DNAH6: variants seen among roughly 807,000 people sequenced by gnomAD.
DNAH6 encodes the protein axonemal beta dynein heavy chain 6.
DNAH6 carries 340 observed loss-of-function variants against 491.4 expected under a neutral mutation model. The observed-to-expected ratio is 0.69, with a 90% confidence interval of 0.63 to 0.76. The LOEUF is 0.76. Among genes scored for constraint, DNAH6 ranks in the 30% least tolerant of loss-of-function variants. DNAH6 has a pLI of 0.00. For synonymous variants in DNAH6, 1,603 were observed against 1,686.1 expected (o/e 0.95, Z 1.21); for missense variants, 4,443 against 4,972.2 (o/e 0.89, Z 3.20).
At chr2:84,654,510 C>G in intron 34 of DNAH6, 150 bp from the exon 35 acceptor site, 1 of 1,003,828 alleles carries the variant, frequency 1.0e-6, no homozygotes, top group East Asian at 2.8e-5. Context: ...TTTCTAATTA[C>G]TTATTGCTCT....
chr2:84,475,626 T>C, the DNAH6 span, among the ~76,000 whole-genome samples: 1 of 152,154 alleles, frequency 6.6e-6, no homozygotes, highest in Non-Finnish European at 1.5e-5. Context: ...GTAAGTTACC[T>C]CCAATGCCAT....
intron 70 of DNAH6, among the ~76,000 whole-genome samples, chr2:84,801,103 G>C (rs890942554): frequency 6.0e-5 from 7 of 116,154 alleles, no homozygotes; most frequent in Non-Finnish European, 1.2e-4. Flanking sequence ...TGGTGGGGTG[G>C]GGGGAGGGGG....
At chr2:84,770,168 C>T (rs1370998602) in intron 64 of DNAH6, among the ~76,000 whole-genome samples, 1 of 152,156 alleles carries the variant, frequency 6.6e-6, no homozygotes, top group Non-Finnish European at 1.5e-5. Context: ...ACAAAAAATA[C>T]TGACCTTACA....
chr2:84,708,875 T>C (rs1043817688), intron 54 of DNAH6, among the ~76,000 whole-genome samples: 5 of 152,180 alleles, frequency 3.3e-5, no homozygotes, highest in Admixed American at 1.3e-4. Flanking sequence ...GGGCCAATTG[T>C]GCTTTTTGGG....
At chr2:84,700,172 C>T (rs1348418716) in intron 48 of DNAH6, among the ~76,000 whole-genome samples, 2 of 152,080 alleles carry the variant, frequency 1.3e-5, no homozygotes, top group African/African-American at 4.8e-5. Context: ...TGTAAATGAT[C>T]CAGAAAAGAT....
intron 70 of DNAH6, among the ~76,000 whole-genome samples, chr2:84,803,629 G>A (rs986390511): frequency 2.6e-5 from 4 of 151,450 alleles, no homozygotes; most frequent in African/African-American, 9.7e-5. Flanking sequence ...AATATAGATG[G>A]TCAATGAACA....
chr2:84,604,250 C>A, intron 18 of DNAH6, 89 bp from the exon 19 acceptor site: 1 of 996,536 alleles, frequency 1.0e-6, no homozygotes, highest in Admixed American at 2.2e-5. Flanking sequence ...TCTTTTCCAG[C>A]TCTCTACATG....
At chr2:84,816,228 C>G (rs980636661) in intron 76 of DNAH6, 145 bp downstream of exon 76, 3 of 583,994 alleles carry the variant, frequency 5.1e-6, no homozygotes, top group African/African-American at 1.9e-5. Flanking sequence ...ATACAAAATT[C>G]GTAAATGTAA....
chr2:84,608,895 A>G (rs1262605392), intron 21 of DNAH6, among the ~76,000 whole-genome samples: 1 of 152,160 alleles, frequency 6.6e-6, no homozygotes, highest in African/African-American at 2.4e-5. Context: ...TTCATTGAAA[A>G]TCTGTTGTTG....
At chr2:84,708,518 A>T (rs1192240734) in intron 54 of DNAH6, among the ~76,000 whole-genome samples, 1 of 146,484 alleles carries the variant, frequency 6.8e-6, no homozygotes, top group Non-Finnish European at 1.5e-5. Context: ...GGAAAGAAAG[A>T]AAGAGAAAGA....
At chr2:84,802,959 T>A (rs1573858053) in intron 70 of DNAH6, among the ~76,000 whole-genome samples, 2 of 152,306 alleles carry the variant, frequency 1.3e-5, no homozygotes, top group Admixed American at 1.3e-4. Flanking sequence ...CCTGAATGAC[T>A]TTTGGGTAAA....
chr2:84,580,878 C>T (rs4616493), intron 14 of DNAH6, among the ~76,000 whole-genome samples: 138,430 of 152,128 alleles, frequency 0.91, 63,058 homozygotes, highest in East Asian at 0.99. Context: ...TGACCAGAAC[C>T]CAGAATGGGA....
chr2:84,812,339 A>G lies in DNAH6; in HGVS notation c.11740-2A>G. 1 of 1,550,478 alleles carries G rather than the reference A, an allele frequency of 6.4e-7. No individual in the cohort carries two copies. Among genetic ancestry groups the G allele is most frequent in the South Asian group, 1.2e-5 (1 of 83,830 alleles). On this transcript the variant is annotated splice_acceptor_variant, in intron 72 of 76. Transcript: ENST00000389394. LOFTEE classifies it high-confidence loss of function. ...CCACCAACCCCTTTTTTGTTCTTTC[A>G]GACTTCTCTGGAAACACTCAACAAA... is the stretch of plus-strand genomic sequence containing the variant.
intron 70 of DNAH6, 66 bp from the exon 71 acceptor site, chr2:84,805,599 G>T (rs1262018891): frequency 1.4e-6 from 2 of 1,384,356 alleles, no homozygotes; most frequent in African/African-American, 2.9e-5. Context: ...AAATAATTAT[G>T]TGTGCTGCAA....
At chr2:84,568,896 T>C (rs1056067593) in intron 11 of DNAH6, among the ~76,000 whole-genome samples, 2 of 152,164 alleles carry the variant, frequency 1.3e-5, no homozygotes, top group Admixed American at 1.3e-4. Context: ...ACCAACACTT[T>C]CTGGTGATTA....
chr2:84,542,207 C>A (rs1344748140), intron 4 of DNAH6, among the ~76,000 whole-genome samples: 1 of 152,086 alleles, frequency 6.6e-6, no homozygotes, highest in Non-Finnish European at 1.5e-5. Flanking sequence ...GCACCAGGGC[C>A]GTGGTCAGCA....
intron 15 of DNAH6, among the ~76,000 whole-genome samples, chr2:84,587,126 G>A (rs1169904993): frequency 2.6e-5 from 4 of 152,000 alleles, no homozygotes; most frequent in African/African-American, 4.8e-5. Flanking sequence ...CCTCAGGTAG[G>A]CCCCAGTGTC....
chr2:84,520,138 G>A (rs1206444359), intron 2 of DNAH6, among the ~76,000 whole-genome samples: 1 of 151,926 alleles, frequency 6.6e-6, no homozygotes, highest in Non-Finnish European at 1.5e-5. Context: ...GGCCCTGTGA[G>A]TGGTGTTGTG....
intron 71 of DNAH6, 44 bp downstream of exon 71, chr2:84,805,838 G>T (rs761759147): frequency 6.6e-7 from 1 of 1,517,344 alleles, no homozygotes; most frequent in African/African-American, 1.4e-5. Flanking sequence ...GGAATTTTAG[G>T]AATAAACTCA....
Sources: allele counts gnomAD v4.1 joint callset (sites outside exome capture counted in the v4.1 genomes callset), GRCh38; gene constraint gnomAD v4.1.1; transcripts MANE v1.5; gene names NCBI Gene and HGNC (gene_info 2026-07-23, HGNC 2026-07-21).